The following URB1 variants were observed in gnomAD, a reference collection of about 807,000 sequenced individuals.
URB1 encodes the protein nucleolar pre-ribosomal-associated protein 1.
In URB1, 197 loss-of-function variants were observed where a neutral mutation model predicts 242.3. That is an observed-to-expected ratio of 0.81 (90% CI 0.72 to 0.91). The LOEUF (loss-of-function observed/expected upper bound fraction) is 0.91. Among genes scored for constraint, URB1 ranks in the 40% least tolerant of loss-of-function variants. The pLI, the probability that URB1 is intolerant of heterozygous loss-of-function variation, is 0.00. For synonymous variants in URB1, 1,153 were observed against 1,201.8 expected, an observed-to-expected ratio of 0.96 and a Z score of 0.84; for missense variants, 2,721 against 2,860.5, an observed-to-expected ratio of 0.95 and a Z score of 1.11.
At chr21:32,382,678 T>C (rs1207902164) in intron 4 of URB1, among the ~76,000 whole-genome samples, 1 of 152,106 alleles carries the variant, frequency 6.6e-6, no homozygotes, top group Admixed American at 6.5e-5. Flanking sequence ...GCCAGGGCTG[T>C]TCACAGCACT....
chr21:32,348,789 G>A (rs527282297), intron 21 of URB1, among the ~76,000 whole-genome samples: 2 of 152,156 alleles, frequency 1.3e-5, no homozygotes, highest in South Asian at 2.1e-4. Flanking sequence ...GAGCTCAAAG[G>A]AAAAAAGTGT....
Position 32,392,769 on chromosome 21 carries a change from C to G in URB1, c.142G>C (p.Gly48Arg), listed in dbSNP as rs901488835. Residue 48 changes from glycine to arginine, a missense_variant and splice_region_variant, in exon 1 of 39, where the codon GGC (glycine) becomes CGC (arginine). Coordinates refer to ENST00000382751, the MANE Select transcript of URB1 (RefSeq NM_014825.3). Reference sequence around the variant, plus strand: ...CCTGCGCCTGCCGCCCCGGACTCACCTGGCCCGGGGCCCTGCGGGTCCTTC... The same window carrying G: ...CCTGCGCCTGCCGCCCCGGACTCACGTGGCCCGGGGCCCTGCGGGTCCTTC... The part of the protein sequence containing the change: ...QLKDPQGPGP[G>R]LEAFVSAAKK... 2.0e-6 allele frequency: 3 copies of G among 1,472,224 alleles called. No homozygotes were observed. Among genetic ancestry groups the G allele is most frequent in the Non-Finnish European group, 1.8e-6 (2 of 1,110,424 alleles). 91.2% of individuals were successfully genotyped at this position (1,472,224 alleles called of 1,614,324 possible). A position where few individuals can be genotyped will look rare whatever the true frequency, so the allele number is the denominator to read the frequency against.
At chr21:32,357,326 A>C (rs893017977) in intron 15 of URB1, among the ~76,000 whole-genome samples, 5 of 152,250 alleles carry the variant, frequency 3.3e-5, no homozygotes, top group South Asian at 2.1e-4. Context: ...AAAAAAAAAA[A>C]AAAAAACATT....
chr21:32,372,692 A>G, intron 7 of URB1, 61 bp from the exon 8 acceptor site: 7 of 1,489,294 alleles, frequency 4.7e-6, no homozygotes, highest in Non-Finnish European at 6.3e-6. Context: ...AGTAAGAGCT[A>G]GAGTAAAAAC....
At chr21:32,346,657 G>A (rs965504077) in intron 22 of URB1, among the ~76,000 whole-genome samples, 1 of 152,134 alleles carries the variant, frequency 6.6e-6, no homozygotes, top group Non-Finnish European at 1.5e-5. Flanking sequence ...AACGTAACAG[G>A]ACAGCCCTAA....
In URB1 at chr21:32,317,912, G is replaced by A. The variant is rs1355022771; in HGVS notation, c.5798C>T (p.Thr1933Ile). 1 of 1,551,534 alleles carries A rather than the reference G, an allele frequency of 6.4e-7. No individual in the cohort carries two copies. The highest frequency in any genetic ancestry group is 2.0e-5 in the Admixed American group (1 of 50,988). ...LIVLMKHLRP[T>I]LAPVQLTNFF... ...GTTGGTCAGCTGGACGGGGGCCAAG[G>A]TGGGCCTGTTTGGGAGTCAATGTTA... Residue 1933 changes from threonine (T) to isoleucine (I), a missense_variant, in exon 37 of 39, where the codon ACC becomes ATC. Thr to Ile is a moderately conservative substitution (Grantham distance 89). Coordinates refer to ENST00000382751, the MANE Select transcript of URB1 (RefSeq NM_014825.3).
At chr21:32,362,167 A>T in intron 11 of URB1, 146 bp from the exon 12 acceptor site, 2 of 1,102,014 alleles carry the variant, frequency 1.8e-6, no homozygotes, top group Non-Finnish European at 2.5e-6. Context: ...AAGAGTGGTG[A>T]GAAAACAGGC....
chr21:32,362,137 T>G, intron 11 of URB1, 116 bp from the exon 12 acceptor site: 1 of 1,319,094 alleles, frequency 7.6e-7, no homozygotes, highest in Non-Finnish European at 1.0e-6. Flanking sequence ...TCTAGAGGAG[T>G]GCGTGTAAGA....
In URB1 at chr21:32,384,467, G is replaced by A; in HGVS notation, c.283-3C>T. On this transcript the variant is annotated splice_polypyrimidine_tract_variant and splice_region_variant and intron_variant, in intron 2 of 38. Transcript: ENST00000382751. ...AAAACTTGAAATATTAACATCGTCT[G>A]CAAAGACAGAATTGAAACGCTTAGA... The A allele has an allele frequency of 1.3e-6, 2 of 1,549,906 alleles. No individual in the cohort carries two copies. Among genetic ancestry groups the A allele is most frequent in the South Asian group, 1.2e-5 (1 of 84,030 alleles).
At chr21:32,349,215 T>C in intron 21 of URB1, 89 bp downstream of exon 21, 3 of 1,413,468 alleles carry the variant, frequency 2.1e-6, no homozygotes, top group East Asian at 2.7e-5. Flanking sequence ...TTTCCCACAA[T>C]GGACCTATGT....
Position 32,321,903 on chromosome 21 carries a change from C to T in URB1, c.5382G>A (p.Gln1794=). Residue 1794 remains glutamine (Q), a synonymous_variant, in exon 34 of 39, where the codon CAG becomes CAA. Coordinates refer to ENST00000382751, the MANE Select transcript of URB1 (RefSeq NM_014825.3). ...CGTAGCACTGCTTGTCACGGATCCCCTGCCGCAGAACGCCAAACACCCACT... is the reference window on the plus strand; with the variant it reads ...CGTAGCACTGCTTGTCACGGATCCCTTGCCGCAGAACGCCAAACACCCACT... ...EQKWVFGVLR[Q]GIRDKQCYEL... is the part of the protein sequence containing the mutation. 1 of 1,551,686 alleles carries T rather than the reference C, an allele frequency of 6.4e-7. No individual in the cohort carries two copies. Among genetic ancestry groups the T allele is most frequent in the Non-Finnish European group, 8.7e-7 (1 of 1,146,998 alleles).
At chr21:32,319,564 C>A in intron 35 of URB1, 150 bp from the exon 36 acceptor site, 1 of 818,274 alleles carries the variant, frequency 1.2e-6, no homozygotes. Context: ...AACGCAGCTT[C>A]CACACAGGAC....
intron 30 of URB1, 55 bp from the exon 31 acceptor site, chr21:32,325,444 G>A (rs2032819153): frequency 6.7e-7 from 1 of 1,503,432 alleles, no homozygotes; most frequent in African/African-American, 1.4e-5. Context: ...TATTATTCTT[G>A]TTAACCTGGA....
At position 32,357,525 on chromosome 21, in the gene URB1, GA is replaced by G; in HGVS notation, c.1989+11del. On this transcript the variant is annotated intron_variant, in intron 15 of 38. Transcript: ENST00000382751. ...TGCTTTTCAGAGTTAGAAACTGGTA[GA>G]AAATGCTCACCTTCATGATCAGAAG... 1.3e-6 allele frequency: 2 copies of G among 1,496,030 alleles called. No individual in the cohort carries two copies. The highest frequency in any genetic ancestry group is 2.6e-5 in the Admixed American group (1 of 38,760). 92.7% of individuals were successfully genotyped at this position (1,496,030 alleles called of 1,614,324 possible). A position where few individuals can be genotyped will look rare whatever the true frequency, so the allele number is the denominator to read the frequency against.
chr21:32,347,934 C>T, intron 21 of URB1, 123 bp from the exon 22 acceptor site: 1 of 1,388,934 alleles, frequency 7.2e-7, no homozygotes, highest in Non-Finnish European at 9.5e-7. Context: ...CTTTCCTAAT[C>T]CATTCCATCC....
intron 5 of URB1, 54 bp downstream of exon 5, chr21:32,378,391 A>C (rs1446134007): frequency 4.8e-6 from 7 of 1,470,294 alleles, no homozygotes; most frequent in Non-Finnish European, 6.5e-6. Context: ...AACGGTTTGC[A>C]GTAGGTTTTT....
At position 32,331,244 on chromosome 21, in the gene URB1, T is replaced by C. The variant is rs114685805; in HGVS notation, c.4960+2073A>G. On this transcript the variant is annotated intron_variant, in intron 30 of 38. Coordinates refer to ENST00000382751, the MANE Select transcript of URB1 (RefSeq NM_014825.3). Reference sequence around the variant, plus strand: ...AGGAAAACATGAGGAACTGCAACAGTTCTCCCTCTAGAATGAGGAAACTGT... The same window carrying C: ...AGGAAAACATGAGGAACTGCAACAGCTCTCCCTCTAGAATGAGGAAACTGT... 6.8e-3 allele frequency among the ~76,000 whole-genome samples: 1,029 copies of C among 152,184 alleles called. 13 individuals are homozygous for C. The highest frequency in any genetic ancestry group is 0.024 in the African/African-American group (998 of 41,504).
At chr21:32,324,630 G>T (rs2032806913) in intron 31 of URB1, 28 bp from the exon 32 acceptor site, 1 of 1,502,590 alleles carries the variant, frequency 6.7e-7, no homozygotes, top group Non-Finnish European at 9.1e-7. Context: ...AAAGGAAAAT[G>T]TAAGATGAGC....
chr21:32,329,048 G>A (rs537231380), intron 30 of URB1, among the ~76,000 whole-genome samples: 186 of 152,084 alleles, frequency 1.2e-3, no homozygotes, highest in African/African-American at 4.3e-3. Context: ...AGGCTGAGGT[G>A]GGAGGATTAC....
Sources: gnomAD v4.1 joint callset for allele counts (sites outside exome capture counted in the v4.1 genomes callset) on GRCh38, gnomAD v4.1.1 for gene constraint, MANE v1.5 for transcripts, NCBI Gene and HGNC (gene_info 2026-07-23, HGNC 2026-07-21) for gene names.